AGBL4: variants seen among roughly 807,000 people sequenced by gnomAD.
The protein encoded by AGBL4 is AGBL carboxypeptidase 4, also known as cytosolic carboxypeptidase 6.
Under a neutral mutation model 66.4 loss-of-function variants are expected in AGBL4, and 58 were observed. The observed-to-expected ratio is 0.87, with a 90% CI of 0.71 to 1.09. The LOEUF is 1.09. Ranked by LOEUF, AGBL4 falls within the 50% of genes least tolerant of loss-of-function variation. The pLI, the probability that AGBL4 is intolerant of heterozygous loss-of-function variation, is 0.00. For synonymous variants in AGBL4, 234 were observed against 222.9 expected (o/e 1.05, Z -0.44); for missense variants, 579 against 631.0 (o/e 0.92, Z 0.88).
chr1:49,077,137 C>T (rs1644727189), intron 4 of AGBL4, among the ~76,000 whole-genome samples: 1 of 151,966 alleles, frequency 6.6e-6, no homozygotes, highest in African/African-American at 2.4e-5. Context: ...ATGGAAACTA[C>T]TTGAACAGTG....
chr1:49,588,499 C>G (rs1017146788), intron 3 of AGBL4, among the ~76,000 whole-genome samples: 1 of 152,146 alleles, frequency 6.6e-6, no homozygotes, highest in Non-Finnish European at 1.5e-5. Context: ...ATTAAGAATG[C>G]TCTTCTGCCT....
chr1:48,838,861 T>C (rs1646739179), intron 6 of AGBL4, among the ~76,000 whole-genome samples: 1 of 152,022 alleles, frequency 6.6e-6, no homozygotes, highest in Admixed American at 6.6e-5. Flanking sequence ...GATTTAAAAA[T>C]GGGCAAAAGA....
Position 48,655,301 on chromosome 1 carries a change from C to CTTTCT in AGBL4, c.725-1855_725-1851dup, listed in dbSNP as rs931120702. ...CCCATTCATCAGGAAATAGGGAGAT[C>CTTTCT]TTTCTTTTCTTTTCTTTTCTTTTTT... On this transcript the variant is annotated intron_variant, in intron 7 of 13. Coordinates refer to ENST00000371839, the MANE Select transcript of AGBL4 (RefSeq NM_032785.4). 2.4e-4 allele frequency among the ~76,000 whole-genome samples: 37 copies of CTTTCT among 152,286 alleles called. 1 individual carries two copies. The highest frequency in any genetic ancestry group is 7.7e-4 in the East Asian group (4 of 5,184).
intron 6 of AGBL4, among the ~76,000 whole-genome samples, chr1:48,804,920 G>T (rs1645889283): frequency 6.6e-6 from 1 of 152,188 alleles, no homozygotes; most frequent in South Asian, 2.1e-4. Context: ...TTTAGGGCTT[G>T]CCATATTCTC....
intron 3 of AGBL4, among the ~76,000 whole-genome samples, chr1:49,339,005 G>C (rs1206583401): frequency 1.3e-5 from 2 of 152,032 alleles, no homozygotes. Context: ...CAAAACCCAG[G>C]TCCAGAGAAT....
At chr1:49,556,218 T>C in intron 3 of AGBL4, among the ~76,000 whole-genome samples, 1 of 152,148 alleles carries the variant, frequency 6.6e-6, no homozygotes, top group East Asian at 1.9e-4. Context: ...GATGAGTTCA[T>C]GTCCTTTGTA....
chr1:49,867,407 G>C (rs1002539298), intron 1 of AGBL4, among the ~76,000 whole-genome samples: 3 of 151,166 alleles, frequency 2.0e-5, no homozygotes, highest in Non-Finnish European at 4.4e-5. Flanking sequence ...TGTTACATAT[G>C]TATACATGTG....
chr1:49,938,342 T>C (rs1282191294), intron 1 of AGBL4, among the ~76,000 whole-genome samples: 1 of 152,096 alleles, frequency 6.6e-6, no homozygotes. Context: ...TCTGAAATTG[T>C]GGCAATAATC....
intron 9 of AGBL4, among the ~76,000 whole-genome samples, chr1:48,605,496 G>C (rs553459300): frequency 6.6e-6 from 1 of 152,172 alleles, no homozygotes; most frequent in South Asian, 2.1e-4. Context: ...TCCTCTAAAG[G>C]CTTCCCTACG....
At chr1:49,540,007 T>C (rs1299341703) in intron 3 of AGBL4, among the ~76,000 whole-genome samples, 3 of 152,172 alleles carry the variant, frequency 2.0e-5, no homozygotes, top group Non-Finnish European at 4.4e-5. Flanking sequence ...TTGCATGATT[T>C]TGAGTTGGAA....
At chr1:49,745,371 ATAT>A (rs1219740012) in intron 2 of AGBL4, among the ~76,000 whole-genome samples, 2 of 151,708 alleles carry the variant, frequency 1.3e-5, no homozygotes, top group African/African-American at 4.8e-5. Flanking sequence ...AACTTTTATT[ATAT>A]TATTACAATT....
intron 6 of AGBL4, among the ~76,000 whole-genome samples, chr1:48,779,747 C>T (rs552788195): frequency 1.4e-5 from 2 of 145,870 alleles, no homozygotes; most frequent in African/African-American, 5.1e-5. Context: ...GAGTTTCGCT[C>T]TTGTTGCCCA....
chr1:49,661,603 G>A (rs1646271132), intron 3 of AGBL4, among the ~76,000 whole-genome samples: 1 of 152,048 alleles, frequency 6.6e-6, no homozygotes, highest in African/African-American at 2.4e-5. Context: ...TTCTTGTAAA[G>A]CCTACAGAAT....
At chr1:48,782,532 T>G (rs1645321325) in intron 6 of AGBL4, among the ~76,000 whole-genome samples, 1 of 152,222 alleles carries the variant, frequency 6.6e-6, no homozygotes, top group East Asian at 1.9e-4. Flanking sequence ...TTGACCACAT[T>G]TTTTCATGAT....
At chr1:49,983,656 G>T (rs1659264970) in intron 1 of AGBL4, among the ~76,000 whole-genome samples, 2 of 152,272 alleles carry the variant, frequency 1.3e-5, no homozygotes, top group East Asian at 1.9e-4. Context: ...CGTAACATTA[G>T]TAAGATTAGA....
intron 3 of AGBL4, among the ~76,000 whole-genome samples, chr1:49,312,722 A>G (rs947927734): frequency 6.6e-6 from 1 of 152,116 alleles, no homozygotes; most frequent in Non-Finnish European, 1.5e-5. Context: ...ACACAAAAAG[A>G]TACTCAACAT....
intron 3 of AGBL4, among the ~76,000 whole-genome samples, chr1:49,506,848 C>T (rs772286053): frequency 6.6e-6 from 1 of 151,994 alleles, no homozygotes; most frequent in Non-Finnish European, 1.5e-5. Context: ...ACAGGCCATA[C>T]AAAAACAGAT....
At chr1:48,555,046 A>G (rs1238808533) in intron 11 of AGBL4, among the ~76,000 whole-genome samples, 2 of 152,194 alleles carry the variant, frequency 1.3e-5, no homozygotes. Context: ...ACATGTAAAT[A>G]AAAGTTGCAA....
chr1:48,681,975 C>T (rs1646462328), intron 6 of AGBL4, among the ~76,000 whole-genome samples: 1 of 152,146 alleles, frequency 6.6e-6, no homozygotes, highest in Admixed American at 6.5e-5. Context: ...AAAGAGGTAG[C>T]AAGGTAAAAT....
Sources: gnomAD v4.1 joint callset for allele counts (sites outside exome capture counted in the v4.1 genomes callset) on GRCh38, gnomAD v4.1.1 for gene constraint, MANE v1.5 for transcripts, NCBI Gene and HGNC (gene_info 2026-07-23, HGNC 2026-07-21) for gene names.